SLC9C1: variants seen among roughly 807,000 people sequenced by gnomAD.
SLC9C1 encodes the protein solute carrier family 9 member C1, also known as sodium/hydrogen exchanger 10.
A neutral mutation model predicts 140.9 loss-of-function variants in SLC9C1; 97 were observed. The ratio of observed to expected loss-of-function variants is 0.69; its 90% CI spans 0.58 to 0.82. The LOEUF (loss-of-function observed/expected upper bound fraction) is 0.82, where lower values mean the gene tolerates loss of function less well. Ranked by LOEUF, SLC9C1 falls within the 40% of genes least tolerant of loss-of-function variation. The pLI, the probability that SLC9C1 is intolerant of heterozygous loss-of-function variation, is 0.00. For synonymous variants in SLC9C1, 440 were observed against 442.6 expected (o/e 0.99, Z 0.07); for missense variants, 1,340 against 1,389.3 (o/e 0.96, Z 0.56).
intron 12 of SLC9C1, among the ~76,000 whole-genome samples, chr3:112,232,553 T>C (rs989396375): frequency 4.6e-5 from 7 of 152,144 alleles, no homozygotes; most frequent in African/African-American, 1.7e-4. Context: ...GTTCAGTGGA[T>C]ATGAAATGGA....
intron 12 of SLC9C1, among the ~76,000 whole-genome samples, chr3:112,237,273 G>C (rs1333225940): frequency 6.6e-6 from 1 of 152,132 alleles, no homozygotes; most frequent in Non-Finnish European, 1.5e-5. Context: ...TTTTATCAGA[G>C]ACAAGGATTG....
intron 26 of SLC9C1, among the ~76,000 whole-genome samples, chr3:112,156,878 T>C (rs2075141146): frequency 1.3e-5 from 2 of 152,038 alleles, no homozygotes; most frequent in Admixed American, 6.6e-5. Flanking sequence ...CAAGTACTTG[T>C]GTTTTTGCTA....
intron 17 of SLC9C1, among the ~76,000 whole-genome samples, chr3:112,202,665 T>G (rs552566231): frequency 5.3e-5 from 8 of 152,166 alleles, no homozygotes; most frequent in African/African-American, 1.9e-4. Flanking sequence ...GAGAATTGGA[T>G]GCTATTTTCA....
In SLC9C1 at chr3:112,238,961, A is replaced by G. The variant is rs140366827; in HGVS notation, c.1446+879T>C. 9.7e-3 allele frequency among the ~76,000 whole-genome samples: 1,472 copies of G among 152,318 alleles called. 9 individuals are homozygous for G. The highest frequency in any genetic ancestry group is 0.016 in the Non-Finnish European group (1,121 of 68,028). On this transcript the variant is annotated intron_variant, in intron 12 of 28. Coordinates refer to ENST00000305815, the MANE Select transcript of SLC9C1 (RefSeq NM_183061.3). The stretch of plus-strand genomic sequence containing the variant: ...CTCAGATCTCAAACTCCATGCTGGG[A>G]GAAACACTACTCTCTTCAAAGCTGT...
chr3:112,150,297 T>C (rs1329246875), intron 28 of SLC9C1, among the ~76,000 whole-genome samples: 4 of 152,162 alleles, frequency 2.6e-5, no homozygotes, highest in African/African-American at 9.7e-5. Flanking sequence ...TCTACAGCTT[T>C]CTCCAGTGCC....
At chr3:112,244,152 T>A in intron 10 of SLC9C1, 76 bp from the exon 11 acceptor site, 2 of 881,966 alleles carry the variant, frequency 2.3e-6, no homozygotes, top group South Asian at 4.6e-5. Flanking sequence ...CAATATAAAT[T>A]AAGCTATTTT....
At chr3:112,255,827 G>T (rs2079591118) in intron 10 of SLC9C1, among the ~76,000 whole-genome samples, 1 of 151,994 alleles carries the variant, frequency 6.6e-6, no homozygotes, top group Non-Finnish European at 1.5e-5. Flanking sequence ...TAATAAGACA[G>T]ATAAGCTTCT....
At chr3:112,279,019 T>C in intron 3 of SLC9C1, 162 bp from the exon 4 acceptor site, 1 of 608,668 alleles carries the variant, frequency 1.6e-6, no homozygotes, top group Non-Finnish European at 2.6e-6. Context: ...CTACAAATAA[T>C]TGGCCATGGC....
intron 10 of SLC9C1, among the ~76,000 whole-genome samples, chr3:112,244,915 C>G (rs1224298990): frequency 1.3e-5 from 2 of 152,108 alleles, no homozygotes; most frequent in Admixed American, 6.6e-5. Context: ...AAGGGTGCAG[C>G]CCAAGCATTG....
intron 10 of SLC9C1, among the ~76,000 whole-genome samples, chr3:112,247,209 C>A (rs928884462): frequency 2.0e-5 from 3 of 152,082 alleles, no homozygotes; most frequent in Non-Finnish European, 4.4e-5. Context: ...CTGAATGAAT[C>A]TTACATTCTG....
At chr3:112,165,753 G>C (rs1380950551) in intron 26 of SLC9C1, among the ~76,000 whole-genome samples, 1 of 152,208 alleles carries the variant, frequency 6.6e-6, no homozygotes, top group Non-Finnish European at 1.5e-5. Flanking sequence ...TCCATTCTCA[G>C]ATGTCCAGCT....
intron 28 of SLC9C1, among the ~76,000 whole-genome samples, chr3:112,149,919 C>T (rs1034289792): frequency 1.3e-5 from 2 of 152,100 alleles, no homozygotes; most frequent in African/African-American, 4.8e-5. Flanking sequence ...AGAAAGGGCC[C>T]CACTGCACCA....
At chr3:112,199,039 C>G (rs1042092373) in intron 20 of SLC9C1, among the ~76,000 whole-genome samples, 41 of 150,312 alleles carry the variant, frequency 2.7e-4, no homozygotes, top group African/African-American at 8.8e-4. Flanking sequence ...TAATAATACC[C>G]ACTGTAATCT....
At chr3:112,230,145 TCTA>T (rs1306802836) in intron 13 of SLC9C1, among the ~76,000 whole-genome samples, 5 of 152,162 alleles carry the variant, frequency 3.3e-5, no homozygotes, top group Non-Finnish European at 5.9e-5. Flanking sequence ...CAGATCCTCT[TCTA>T]CTCTGAAATC....
At chr3:112,234,852 A>G (rs931299096) in intron 12 of SLC9C1, among the ~76,000 whole-genome samples, 1 of 152,032 alleles carries the variant, frequency 6.6e-6, no homozygotes, top group African/African-American at 2.4e-5. Flanking sequence ...GTTTTGGTAC[A>G]AGTACCATGC....
intron 16 of SLC9C1, among the ~76,000 whole-genome samples, chr3:112,206,328 T>C (rs2078047055): frequency 6.6e-6 from 1 of 152,044 alleles, no homozygotes; most frequent in Non-Finnish European, 1.5e-5. Flanking sequence ...AGAATGGCCA[T>C]CATTAAAAAG....
chr3:112,156,038 A>G (rs2075118203), intron 26 of SLC9C1, among the ~76,000 whole-genome samples: 1 of 151,854 alleles, frequency 6.6e-6, no homozygotes, highest in African/African-American at 2.4e-5. Context: ...TCTTCTGGCT[A>G]TTTGGAAATA....
At chr3:112,235,607 G>A (rs919996914) in intron 12 of SLC9C1, among the ~76,000 whole-genome samples, 1 of 151,826 alleles carries the variant, frequency 6.6e-6, no homozygotes, top group Non-Finnish European at 1.5e-5. Flanking sequence ...TATTGGCTGT[G>A]GGTTTGTCAT....
intron 8 of SLC9C1, among the ~76,000 whole-genome samples, chr3:112,265,398 G>A (rs13092211): frequency 9.2e-5 from 14 of 151,810 alleles, no homozygotes; most frequent in African/African-American, 3.4e-4. Flanking sequence ...TTGCCTAAGT[G>A]CAAGTACAAT....
Sources: gnomAD v4.1 joint callset for allele counts (sites outside exome capture counted in the v4.1 genomes callset) on GRCh38, gnomAD v4.1.1 for gene constraint, MANE v1.5 for transcripts, NCBI Gene and HGNC (gene_info 2026-07-23, HGNC 2026-07-21) for gene names.